Variants in ZNF750 observed in about 807,000 individuals in gnomAD.
ZNF750 encodes zinc finger protein 750.
Under a neutral mutation model 31.6 loss-of-function variants are expected in ZNF750, and 10 were observed. The observed-to-expected ratio is 0.32, with a 90% CI of 0.19 to 0.54. The LOEUF is 0.54. Ranked by LOEUF, ZNF750 falls within the 20% of genes least tolerant of loss-of-function variation. The probability of loss-of-function intolerance (pLI) is 0.95; values close to 1 mark genes in which losing one functional copy is unlikely to be tolerated. For synonymous variants in ZNF750, 400 were observed against 404.9 expected (o/e 0.99, Z 0.15); for missense variants, 914 against 934.9 (o/e 0.98, Z 0.29).
chr17:82,830,073 G>A lies in ZNF750; in HGVS notation c.*69C>T. 1 of 1,606,420 alleles carries A rather than the reference G, an allele frequency of 6.2e-7. No individual in the cohort carries two copies. Among genetic ancestry groups the A allele is most frequent in the Non-Finnish European group, 8.5e-7 (1 of 1,176,304 alleles). ...AATGTGAAAGTGCCAGTTCAGAGGT[G>A]TTGTAGCTTGCCACCTTGGAAGGCG... On this transcript the variant is annotated 3_prime_UTR_variant, in exon 3 of 3. Transcript: ENST00000269394.
chr17:82,839,528 T>C (rs1345331380), intron 1 of ZNF750, among the ~76,000 whole-genome samples: 2 of 152,206 alleles, frequency 1.3e-5, no homozygotes, highest in Non-Finnish European at 2.9e-5. Context: ...ACCACACATA[T>C]AACCCTAAAT....
chr17:82,836,371 T>G (rs1001537893), intron 1 of ZNF750, among the ~76,000 whole-genome samples: 7 of 152,248 alleles, frequency 4.6e-5, no homozygotes, highest in African/African-American at 1.7e-4. Flanking sequence ...AGCTGATGAT[T>G]TCATCACTAG....
chr17:82,830,286 T>C lies in ZNF750; in HGVS notation c.2028A>G (p.Gln676=), dbSNP rs774178327. The stretch of plus-strand genomic sequence containing the variant: ...TGGGTCTGAGGTCACACTGGGCCTC[T>C]TGGCTCTCCATGGAGCTCAGTGTGG... ...DTPTLSSMES[Q]EAQCDLRPKG... Residue 676 remains glutamine, a synonymous_variant, in exon 3 of 3, where the codon CAA becomes CAG. Coordinates refer to ENST00000269394, the MANE Select transcript of ZNF750 (RefSeq NM_024702.3). 3 of 1,614,260 alleles carry C rather than the reference T, an allele frequency of 1.9e-6. No individual in the cohort carries two copies. Among genetic ancestry groups the C allele is most frequent in the South Asian group, 1.1e-5 (1 of 91,092 alleles).
rs1339716556 is a variant in ZNF750 at position 82,835,208 on chromosome 17, G to A, written c.-182-2572C>T. Among the ~76,000 whole-genome samples, 1 of 152,090 alleles carries A rather than the reference G, an allele frequency of 6.6e-6. No homozygotes were observed. The highest frequency in any genetic ancestry group is 1.5e-5 in the Non-Finnish European group (1 of 68,000). On this transcript the variant is annotated intron_variant, in intron 1 of 2. Transcript: ENST00000269394. The surrounding 1 kb of genome is among the most constrained non-coding windows in gnomAD (Gnocchi z 4.5). Reference sequence around the variant, plus strand: ...GTGGCTAAAAGTCAAGTGAAAAGCCGCCCCTTGAAAATAGAGCAACGTGTG... The same window carrying A: ...GTGGCTAAAAGTCAAGTGAAAAGCCACCCCTTGAAAATAGAGCAACGTGTG...
intron 1 of ZNF750, among the ~76,000 whole-genome samples, chr17:82,837,477 G>A (rs776865575): frequency 2.0e-5 from 3 of 152,224 alleles, no homozygotes; most frequent in Non-Finnish European, 4.4e-5. Context: ...ATAAAGAAGT[G>A]CGGAGCGTCT....
Position 82,830,323 on chromosome 17 carries a change from C to T in ZNF750, c.1991G>A (p.Arg664Gln), listed in dbSNP as rs2053367115. 4.3e-6 allele frequency: 7 copies of T among 1,614,090 alleles called. No homozygotes were observed. Among genetic ancestry groups the T allele is most frequent in the South Asian group, 2.2e-5 (2 of 91,082 alleles). The part of the protein sequence containing the change: ...GDAAAPEPAC[R>Q]QDTPTLSSME... ...GGAGCTCAGTGTGGGTGTGTCTTGC[C>T]GGCAGGCAGGTTCCGGGGCCGCAGC... Residue 664 changes from arginine (R) to glutamine (Q), a missense_variant, in exon 3 of 3, where the codon CGG becomes CAG. Physicochemically the swap from Arg to Gln is conservative, Grantham distance 43. Coordinates refer to ENST00000269394, the MANE Select transcript of ZNF750 (RefSeq NM_024702.3).
chr17:82,834,279 C>T (rs2145319185), intron 1 of ZNF750, among the ~76,000 whole-genome samples: 1 of 152,286 alleles, frequency 6.6e-6, no homozygotes, highest in East Asian at 1.9e-4. Context: ...CTGGGACTGT[C>T]CACCTGGCAG....
chr17:82,838,843 A>C, intron 1 of ZNF750: 1 of 985,440 alleles, frequency 1.0e-6, no homozygotes, highest in Non-Finnish European at 1.2e-6. Context: ...GCTCGTAAAC[A>C]AACGCTCACC....
chr17:82,839,062 AAACAGAAACTT>A, intron 1 of ZNF750: 10 of 833,344 alleles, frequency 1.2e-5, no homozygotes, highest in Non-Finnish European at 1.4e-5. Context: ...CTTAACAACC[AAACAGAAACTT>A]AACCCCTTTG....
In ZNF750 at chr17:82,833,425, A is replaced by C. The variant is rs2053689619; in HGVS notation, c.-182-789T>G. On this transcript the variant is annotated intron_variant, in intron 1 of 2. Transcript: ENST00000269394. This position sits in a 1 kb window ranked among gnomAD's most constrained non-coding sequence, Gnocchi z 4.7. Reference sequence around the variant, plus strand: ...GAAGAACATTCGAACACAAGACTCTACCCTACTGCTTCTAAAGTCAGCTTT... The same window carrying C: ...GAAGAACATTCGAACACAAGACTCTCCCCTACTGCTTCTAAAGTCAGCTTT... Among the ~76,000 whole-genome samples the C allele has an allele frequency of 6.6e-6, 1 of 152,120 alleles. No individual in the cohort carries two copies. Among genetic ancestry groups the C allele is most frequent in the South Asian group, 2.1e-4 (1 of 4,832 alleles).
At position 82,830,315 on chromosome 17, in the gene ZNF750, T is replaced by G. The variant is rs765399391; in HGVS notation, c.1999A>C (p.Thr667Pro). ...CTCTCCATGGAGCTCAGTGTGGGTGTGTCTTGCCGGCAGGCAGGTTCCGGG... is the reference window on the plus strand; with the variant it reads ...CTCTCCATGGAGCTCAGTGTGGGTGGGTCTTGCCGGCAGGCAGGTTCCGGG... ...AAPEPACRQDTPTLSSMESQE... is the reference protein window; with the variant it reads ...AAPEPACRQDPPTLSSMESQE... The change falls in exon 3 of 3, where the codon ACA (threonine) becomes CCA (proline). Residue 667 changes from threonine (T) to proline (P), a missense_variant. Physicochemically the swap from Thr to Pro is conservative, Grantham distance 38 (BLOSUM62 -1). This residue lies in a region of ZNF750 where 880 missense variants were observed against 868.9 expected (regional missense o/e 1.01). Transcript: ENST00000269394. 6.2e-7 allele frequency: 1 copy of G among 1,614,164 alleles called. No homozygotes were observed. The highest frequency in any genetic ancestry group is 8.5e-7 in the Non-Finnish European group (1 of 1,180,036).
rs74002549 is a variant in ZNF750 at position 82,838,820 on chromosome 17, G to C, written c.-183+1107C>G. ...CTCTAGTTTCGGCAGGAGATCCCGA[G>C]TTACAGACCTGAGCTCGTAAACAAA... On this transcript the variant is annotated intron_variant, in intron 1 of 2. Transcript: ENST00000269394. 1.3e-3 allele frequency: 1,277 copies of C among 985,430 alleles called. 10 individuals are homozygous for C. The African/African-American group carries it at 0.021, about 16-fold the overall frequency. 61.0% of individuals were successfully genotyped at this position (985,430 alleles called of 1,614,324 possible). A position where few individuals can be genotyped will look rare whatever the true frequency, so the allele number is the denominator to read the frequency against.
chr17:82,838,753 A>G lies in ZNF750; in HGVS notation c.-183+1174T>C, dbSNP rs1324700588. 5.1e-6 allele frequency: 5 copies of G among 985,336 alleles called. No individual in the cohort carries two copies. In the African/African-American group the frequency reaches 7.0e-5, roughly 14 times the overall value. 61.0% of individuals were successfully genotyped at this position (985,336 alleles called of 1,614,324 possible). On this transcript the variant is annotated intron_variant, in intron 1 of 2. Transcript: ENST00000269394. ...GGAAAAGACAGTCTTTGGGAATGTA[A>G]TTTGGAAGAATGGATCCAGAAAAAC...
chr17:82,839,660 C>G (rs2054298417), intron 1 of ZNF750, among the ~76,000 whole-genome samples: 1 of 152,144 alleles, frequency 6.6e-6, no homozygotes, highest in African/African-American at 2.4e-5. Context: ...GTTGGTTTAA[C>G]TTTTATGAAT....
rs2145277185 is a variant in ZNF750, at chr17:82,832,189, T to A, written c.266A>T (p.Lys89Met). 1 of 1,614,254 alleles carries A rather than the reference T, an allele frequency of 6.2e-7. No homozygotes were observed. Among genetic ancestry groups the A allele is most frequent in the Non-Finnish European group, 8.5e-7 (1 of 1,180,044 alleles). ...PDATAKPASS[K>M]SVANGLSAFD... Reference sequence around the variant, plus strand: ...GGCAGAGAGTCCATTTGCGACAGACTTGGAAGAGGCTGGCTTCGCCGTGGC... The same window carrying A: ...GGCAGAGAGTCCATTTGCGACAGACATGGAAGAGGCTGGCTTCGCCGTGGC... Residue 89 changes from lysine (K) to methionine (M), a missense_variant, in exon 2 of 3, where the codon AAG (lysine) becomes ATG (methionine). By Grantham distance (95) the Lys-to-Met change is moderately conservative (BLOSUM62 -1). Coordinates refer to ENST00000269394, the MANE Select transcript of ZNF750 (RefSeq NM_024702.3). This position sits in a 1 kb window ranked among gnomAD's most constrained non-coding sequence, Gnocchi z 4.9.
At chr17:82,839,655 T>G (rs981788395) in intron 1 of ZNF750, among the ~76,000 whole-genome samples, 1 of 152,246 alleles carries the variant, frequency 6.6e-6, no homozygotes, top group Non-Finnish European at 1.5e-5. Flanking sequence ...TTTGTGTTGG[T>G]TTAACTTTTA....
At chr17:82,836,982 C>A (rs996920383) in intron 1 of ZNF750, among the ~76,000 whole-genome samples, 1 of 152,068 alleles carries the variant, frequency 6.6e-6, no homozygotes, top group African/African-American at 2.4e-5. Flanking sequence ...GAATTGGTGT[C>A]GATATGGAGT....
rs772166532 is a variant in ZNF750, at chr17:82,830,242, C to G, written c.2072G>C (p.Ser691Thr). Residue 691 changes from serine (S) to threonine (T), a missense_variant, in exon 3 of 3, where the codon AGT (serine) becomes ACT (threonine). By Grantham distance (58) the Ser-to-Thr change is moderately conservative. This residue lies in a region of ZNF750 where 880 missense variants were observed against 868.9 expected (regional missense o/e 1.01). Transcript: ENST00000269394. Reference sequence around the variant, plus strand: ...CTGGGATTTTCCAGCATCCCTTAGACTTGTCCTCTTTTGTCCTTTGGGTCT... The same window carrying G: ...CTGGGATTTTCCAGCATCCCTTAGAGTTGTCCTCTTTTGTCCTTTGGGTCT... ...DLRPKGQKRT[S>T]LRDAGKSQQG... 1.9e-6 allele frequency: 3 copies of G among 1,614,260 alleles called. No homozygotes were observed. Among genetic ancestry groups the G allele is most frequent in the Non-Finnish European group, 2.5e-6 (3 of 1,180,048 alleles).
intron 1 of ZNF750, among the ~76,000 whole-genome samples, chr17:82,834,179 C>T (rs2145317205): frequency 6.6e-6 from 1 of 152,276 alleles, no homozygotes; most frequent in South Asian, 2.1e-4. Flanking sequence ...AGCTCCTGAC[C>T]TCAGGTGATC....
Sources: allele counts gnomAD v4.1 joint callset (sites outside exome capture counted in the v4.1 genomes callset), GRCh38; gene constraint gnomAD v4.1.1; regional missense constraint gnomAD v4.1.1; non-coding constraint Gnocchi (gnomAD v3.1); transcripts MANE v1.5; gene names NCBI Gene and HGNC (gene_info 2026-07-23, HGNC 2026-07-21).